The following FRMD3 variants were observed in gnomAD, a reference collection of about 807,000 sequenced individuals.
The protein encoded by FRMD3 is FERM domain-containing protein 3.
A neutral mutation model predicts 70.2 loss-of-function variants in FRMD3; 33 were observed. The observed-to-expected ratio is 0.47, with a 90% CI of 0.36 to 0.63. The LOEUF (loss-of-function observed/expected upper bound fraction) is 0.63, where lower values mean the gene tolerates loss of function less well. Among genes scored for constraint, FRMD3 ranks in the 20% least tolerant of loss-of-function variants. FRMD3 has a pLI of 0.00. For missense variants in FRMD3, 632 were observed against 711.4 expected, an observed-to-expected ratio of 0.89 and a Z score of 1.27; for synonymous variants, 279 against 255.9, an observed-to-expected ratio of 1.09 and a Z score of -0.86.
chr9:83,510,287 G>A (rs1829309788), intron 1 of FRMD3, among the ~76,000 whole-genome samples: 1 of 152,122 alleles, frequency 6.6e-6, no homozygotes, highest in South Asian at 2.1e-4. Context: ...AAGTTATCAG[G>A]GAAAGCCAAA....
chr9:83,547,175 TC>T, the FRMD3 span, among the ~76,000 whole-genome samples: 1 of 149,518 alleles, frequency 6.7e-6, no homozygotes, highest in Non-Finnish European at 1.5e-5. Context: ...TCACTTTAAA[TC>T]AACAGTTAAA....
rs752359305 is a variant in FRMD3 at position 83,267,140 on chromosome 9, C to A, written c.1196-18624G>T. 8.4e-6 allele frequency: 13 copies of A among 1,550,546 alleles called. No homozygotes were observed. In the East Asian group the frequency reaches 2.7e-4, roughly 32 times the overall value. ...GATCTTGACCAAGCATTTTGCCATA[C>A]TGGTTATTCCAATCCCCTTGGTCTC... On this transcript the variant is annotated intron_variant, in intron 13 of 13. Transcript: ENST00000304195.
At chr9:83,259,128 T>C (rs1832863993) in intron 13 of FRMD3, among the ~76,000 whole-genome samples, 1 of 152,216 alleles carries the variant, frequency 6.6e-6, no homozygotes, top group South Asian at 2.1e-4. Flanking sequence ...ATGCCAGACA[T>C]GCTGAAATGT....
At chr9:83,343,366 C>T in intron 4 of FRMD3, 79 bp from the exon 5 acceptor site, 2 of 936,294 alleles carry the variant, frequency 2.1e-6, no homozygotes, top group Non-Finnish European at 3.4e-6. Flanking sequence ...TGCTTAGCTC[C>T]CATGGTGACC....
the FRMD3 span, among the ~76,000 whole-genome samples, chr9:83,549,819 G>A: frequency 6.6e-6 from 1 of 151,790 alleles, no homozygotes. Context: ...TTGTAAATTT[G>A]TTTAAGTTCC....
chr9:83,464,046 T>G (rs747562992), intron 1 of FRMD3, among the ~76,000 whole-genome samples: 3 of 152,162 alleles, frequency 2.0e-5, no homozygotes, highest in Non-Finnish European at 2.9e-5. Context: ...TACCCAACTC[T>G]AACTGTACAC....
At chr9:83,389,925 C>T (rs535594351) in intron 1 of FRMD3, among the ~76,000 whole-genome samples, 1 of 152,314 alleles carries the variant, frequency 6.6e-6, no homozygotes, top group African/African-American at 2.4e-5. Flanking sequence ...CACACACACA[C>T]ACACGGAACC....
At chr9:83,572,153 GTGTGTGTGTGTGTGTGTGTGCATGCGCA>G in the FRMD3 span, among the ~76,000 whole-genome samples, 1 of 138,890 alleles carries the variant, frequency 7.2e-6, no homozygotes, top group Non-Finnish European at 1.5e-5. Flanking sequence ...TTTGAGGTGT[GTGTGTGTGTGTGTGTGTGTGCATGCGCA>G]TGTGTGTGTG....
intron 1 of FRMD3, among the ~76,000 whole-genome samples, chr9:83,439,502 A>G (rs1664466573): frequency 6.6e-6 from 1 of 152,230 alleles, no homozygotes; most frequent in South Asian, 2.1e-4. Context: ...CAAAGCACCT[A>G]TCCTCCTAAT....
At chr9:83,358,308 G>A (rs1003228203) in intron 3 of FRMD3, among the ~76,000 whole-genome samples, 2 of 152,126 alleles carry the variant, frequency 1.3e-5, no homozygotes, top group Admixed American at 1.3e-4. Context: ...TTTTATACCA[G>A]TACCATGCTG....
At chr9:83,272,439 G>T (rs990994043) in intron 13 of FRMD3, among the ~76,000 whole-genome samples, 1 of 151,972 alleles carries the variant, frequency 6.6e-6, no homozygotes, top group African/African-American at 2.4e-5. Flanking sequence ...GTGCAGTGGC[G>T]TGATCCCCGC....
At chr9:83,569,567 C>T in the FRMD3 span, among the ~76,000 whole-genome samples, 2 of 152,192 alleles carry the variant, frequency 1.3e-5, no homozygotes, top group African/African-American at 4.8e-5. Context: ...AGGAAAGTAG[C>T]CATTTGATTG....
chr9:83,434,455 G>C (rs144481453), intron 1 of FRMD3, among the ~76,000 whole-genome samples: 348 of 152,324 alleles, frequency 2.3e-3, no homozygotes, highest in African/African-American at 8.1e-3. Flanking sequence ...CACTAAACAA[G>C]AGGATGCACA....
In FRMD3 at chr9:83,418,038, G is replaced by A. The variant is rs191378790; in HGVS notation, c.148-28330C>T. 2.8e-4 allele frequency among the ~76,000 whole-genome samples: 43 copies of A among 151,396 alleles called. No individual in the cohort carries two copies. The East Asian group carries it at 5.6e-3, about 20-fold the overall frequency. On this transcript the variant is annotated intron_variant, in intron 1 of 13. Transcript: ENST00000304195. ...GAATGGGAGATATTAAGTGAACACC[G>A]TGCTTTTGAAGAGCTTGCCAGGGAA... is the stretch of plus-strand genomic sequence containing the variant.
chr9:83,311,435 A>C (rs1194013737), intron 8 of FRMD3, among the ~76,000 whole-genome samples: 1 of 152,166 alleles, frequency 6.6e-6, no homozygotes, highest in Non-Finnish European at 1.5e-5. Context: ...AGACATTCCT[A>C]CTACCTTTTG....
intron 13 of FRMD3, among the ~76,000 whole-genome samples, chr9:83,284,058 G>GTT (rs1563993854): frequency 8.8e-5 from 7 of 79,366 alleles, no homozygotes; most frequent in African/African-American, 3.3e-4. Context: ...AAGCTAGGAT[G>GTT]TTATTTTTTT....
intron 1 of FRMD3, among the ~76,000 whole-genome samples, chr9:83,479,445 G>A (rs911348681): frequency 1.2e-4 from 12 of 102,232 alleles, no homozygotes; most frequent in East Asian, 3.0e-4. Context: ...GGAAGGAAGG[G>A]AGGGAGGGAG....
At chr9:83,446,710 G>GAGATTTGCCAAGTAGAAAAGAAA (rs1470287484) in intron 1 of FRMD3, among the ~76,000 whole-genome samples, 6 of 150,488 alleles carry the variant, frequency 4.0e-5, no homozygotes, top group African/African-American at 1.5e-4. Context: ...AAGAAAAGAT[G>GAGATTTGCCAAGTAGAAAAGAAA]AGATTTGCCA....
intron 1 of FRMD3, among the ~76,000 whole-genome samples, chr9:83,485,663 A>G (rs1828671547): frequency 6.6e-6 from 1 of 152,154 alleles, no homozygotes; most frequent in Non-Finnish European, 1.5e-5. Flanking sequence ...GATTCCCATG[A>G]CCCAGACATG....
Sources: gnomAD v4.1 joint callset for allele counts (sites outside exome capture counted in the v4.1 genomes callset) on GRCh38, gnomAD v4.1.1 for gene constraint, MANE v1.5 for transcripts, NCBI Gene and HGNC (gene_info 2026-07-23, HGNC 2026-07-21) for gene names.